Variants in CATSPER3 observed in about 807,000 individuals in gnomAD.
CATSPER3 encodes cation channel sperm-associated protein 3.
CATSPER3 carries 23 observed loss-of-function variants against 36.6 expected under a neutral mutation model. The ratio of observed to expected loss-of-function variants is 0.63; its 90% confidence interval spans 0.45 to 0.89. The LOEUF (loss-of-function observed/expected upper bound fraction) is 0.89, where lower values mean the gene tolerates loss of function less well. Among genes scored for constraint, CATSPER3 ranks in the 40% least tolerant of loss-of-function variants. CATSPER3 has a pLI of 0.00. For synonymous variants in CATSPER3, 172 were observed against 184.1 expected, an observed-to-expected ratio of 0.93 and a Z score of 0.53; for missense variants, 474 against 503.9, an observed-to-expected ratio of 0.94 and a Z score of 0.57.
intron 2 of CATSPER3, among the ~76,000 whole-genome samples, chr5:134,981,053 CTTT>C (rs1169551301): frequency 6.6e-6 from 1 of 151,978 alleles, no homozygotes; most frequent in Non-Finnish European, 1.5e-5. Context: ...TTTCTTATTT[CTTT>C]TTATTTTTCC....
intron 2 of CATSPER3, among the ~76,000 whole-genome samples, chr5:134,994,124 C>CA (rs1030908490): frequency 9.3e-5 from 14 of 151,178 alleles, no homozygotes; most frequent in South Asian, 2.1e-4. Context: ...GACTCTGTCT[C>CA]AAAAAAAACT....
intron 2 of CATSPER3, chr5:134,995,690 T>G: frequency 5.9e-6 from 1 of 170,596 alleles, no homozygotes; most frequent in Non-Finnish European, 1.3e-5. Context: ...ATTTGCATGA[T>G]AGTCAAGATA....
intron 2 of CATSPER3, among the ~76,000 whole-genome samples, chr5:134,994,967 C>G (rs1751926202): frequency 6.6e-6 from 1 of 151,162 alleles, no homozygotes; most frequent in African/African-American, 2.4e-5. Context: ...TCCTTCCTCT[C>G]TGCCTCCTTT....
intron 7 of CATSPER3, among the ~76,000 whole-genome samples, chr5:135,011,300 A>T (rs916663130): frequency 6.6e-6 from 1 of 152,160 alleles, no homozygotes; most frequent in Admixed American, 6.5e-5. Flanking sequence ...AGGACCTAAG[A>T]ATTTATTTCC....
At chr5:134,973,279 A>G (rs1751627705) in intron 2 of CATSPER3, among the ~76,000 whole-genome samples, 1 of 152,196 alleles carries the variant, frequency 6.6e-6, no homozygotes, top group Admixed American at 6.6e-5. Flanking sequence ...GCATCATCTG[A>G]CAGTGAAGAT....
At chr5:134,979,582 C>T (rs534516066) in intron 2 of CATSPER3, among the ~76,000 whole-genome samples, 1 of 152,298 alleles carries the variant, frequency 6.6e-6, no homozygotes, top group South Asian at 2.1e-4. Context: ...CATTAAAAGG[C>T]ATGTGAACAG....
At chr5:135,010,203 G>A (rs551381726) in intron 6 of CATSPER3, among the ~76,000 whole-genome samples, 170 bp from the exon 7 acceptor site, 25 of 152,292 alleles carry the variant, frequency 1.6e-4, no homozygotes, top group African/African-American at 4.8e-4. Context: ...GCCTCACCCC[G>A]GAGTCCAGGT....
intron 3 of CATSPER3, among the ~76,000 whole-genome samples, chr5:134,999,704 CTGTT>C (rs1340826834): frequency 3.3e-5 from 5 of 152,134 alleles, no homozygotes; most frequent in Admixed American, 6.5e-5. Flanking sequence ...ATTTGGCTCT[CTGTT>C]TGTGTGTTAT....
Position 135,008,839 on chromosome 5 carries a change from A to G in CATSPER3, c.676-2A>G. On this transcript the variant is annotated splice_acceptor_variant, in intron 4 of 7. Coordinates refer to ENST00000282611, the MANE Select transcript of CATSPER3 (RefSeq NM_178019.3). LOFTEE classifies it high-confidence loss of function. ...TCAGCATACTCTTCCCTGCCTGAGC[A>G]GGTTGATGGCTGGACAGACCTGCAG... The G allele has an allele frequency of 6.2e-7, 1 of 1,614,136 alleles. No individual in the cohort carries two copies.
At chr5:134,985,248 A>G (rs979605764) in intron 2 of CATSPER3, among the ~76,000 whole-genome samples, 4 of 152,258 alleles carry the variant, frequency 2.6e-5, no homozygotes, top group Non-Finnish European at 2.9e-5. Flanking sequence ...CTCAGCCATT[A>G]AAAAAGAACA....
chr5:135,000,232 G>A (rs996526108), intron 3 of CATSPER3, among the ~76,000 whole-genome samples: 8 of 151,432 alleles, frequency 5.3e-5, no homozygotes, highest in Admixed American at 1.3e-4. Flanking sequence ...CATATGTTGC[G>A]TCCCATAGGA....
At chr5:134,999,443 A>G (rs959241400) in intron 3 of CATSPER3, among the ~76,000 whole-genome samples, 4 of 152,100 alleles carry the variant, frequency 2.6e-5, no homozygotes, top group African/African-American at 9.7e-5. Context: ...CAATTCTCTG[A>G]AGAAAGTCAT....
At chr5:134,988,493 A>G (rs1751837285) in intron 2 of CATSPER3, among the ~76,000 whole-genome samples, 1 of 152,256 alleles carries the variant, frequency 6.6e-6, no homozygotes, top group Non-Finnish European at 1.5e-5. Context: ...AACGAAGTTT[A>G]CGGAATATTC....
rs554687308 is a variant in CATSPER3, at chr5:135,006,126, G to A, written c.493-1831G>A. Among the ~76,000 whole-genome samples the A allele has an allele frequency of 4.6e-5, 7 of 152,352 alleles. No individual in the cohort carries two copies. The South Asian group carries it at 8.3e-4, about 18-fold the overall frequency. On this transcript the variant is annotated intron_variant, in intron 3 of 7. Transcript: ENST00000282611. ...CAGGAGGGAGCTACTGGCCTAAGGGGAACTGGGCAACCCTCTCCTAGGACT... is the reference window on the plus strand; with the variant it reads ...CAGGAGGGAGCTACTGGCCTAAGGGAAACTGGGCAACCCTCTCCTAGGACT...
At position 135,010,621 on chromosome 5, in the gene CATSPER3, C is replaced by G; in HGVS notation, c.1094+91C>G. On this transcript the variant is annotated intron_variant, in intron 7 of 7. Coordinates refer to ENST00000282611, the MANE Select transcript of CATSPER3 (RefSeq NM_178019.3). ...CCTGGGAGAGTGAAGGGGGTGATGA[C>G]TGAAGTGCTGATGGGCAGTGGGTGG... is the stretch of plus-strand genomic sequence containing the variant. The G allele has an allele frequency of 2.7e-6, 3 of 1,126,014 alleles. No homozygotes were observed. In the East Asian group the frequency reaches 7.1e-5, roughly 27 times the overall value. The allele number at this position is 1,126,014 out of a possible 1,614,324, so 69.8% of individuals were successfully genotyped here.
rs534890037 is a variant in CATSPER3, at chr5:134,980,388, CCCTCCTTCCCTCCTTCCTTT to C, written c.252+10304_252+10323del. ...CTCTTCCTTCCTTCCCTCCCTCCTT[CCCTCCTTCCCTCCTTCCTTT>C]CCTCCTTTCTTTTTTTCTTTCTTTC... On this transcript the variant is annotated intron_variant, in intron 2 of 7. Transcript: ENST00000282611. Among the ~76,000 whole-genome samples the C allele has an allele frequency of 2.0e-3, 286 of 145,212 alleles. 1 individual carries two copies. The highest frequency in any genetic ancestry group is 6.8e-3 in the African/African-American group (270 of 39,594).
At chr5:134,995,475 G>A (rs1238704314) in intron 2 of CATSPER3, among the ~76,000 whole-genome samples, 1 of 151,914 alleles carries the variant, frequency 6.6e-6, no homozygotes, top group Non-Finnish European at 1.5e-5. Context: ...TATCTTCTTT[G>A]GCTGGTTTAT....
chr5:134,988,869 ATTTAC>A (rs923404626), intron 2 of CATSPER3, among the ~76,000 whole-genome samples: 3 of 151,978 alleles, frequency 2.0e-5, no homozygotes, highest in African/African-American at 4.8e-5. Context: ...AAGGTTTTCA[ATTTAC>A]TTTACCCAGA....
intron 7 of CATSPER3, 97 bp downstream of exon 7, chr5:135,010,627 T>C: frequency 9.4e-7 from 1 of 1,068,830 alleles, no homozygotes. Flanking sequence ...ATGACTGAAG[T>C]GCTGATGGGC....
Sources: allele counts gnomAD v4.1 joint callset (sites outside exome capture counted in the v4.1 genomes callset), GRCh38; gene constraint gnomAD v4.1.1; transcripts MANE v1.5; gene names NCBI Gene and HGNC (gene_info 2026-07-23, HGNC 2026-07-21).